The following NEMP2 variants were observed in gnomAD, a reference collection of about 807,000 sequenced individuals.
NEMP2 encodes the protein UPF0571 transmembrane protein.
A neutral mutation model predicts 54.2 loss-of-function variants in NEMP2; 53 were observed. The observed-to-expected ratio is 0.98, with a 90% confidence interval of 0.78 to 1.23. NEMP2 has a LOEUF of 1.23. NEMP2 is among the 50% of genes most tolerant of loss of function. The pLI is 0.00. For missense variants in NEMP2, 455 were observed against 511.3 expected (o/e 0.89, Z 1.06); for synonymous variants, 197 against 190.3 (o/e 1.04, Z -0.29).
the NEMP2 span, among the ~76,000 whole-genome samples, chr2:190,585,293 T>C: frequency 4.6e-5 from 7 of 152,236 alleles, no homozygotes; most frequent in Non-Finnish European, 1.0e-4. The surrounding 1 kb of genome is among the most constrained non-coding windows in gnomAD (Gnocchi z 5.3). Context: ...TATAAAGTAA[T>C]GCCATCTTTT....
At chr2:190,624,721 C>T in the NEMP2 span, 1 of 152,236 alleles carries the variant, frequency 6.6e-6, no homozygotes, top group African/African-American at 2.4e-5. Context: ...AGACAAATAC[C>T]ACATGCTGTC....
chr2:190,595,210 A>G, the NEMP2 span, among the ~76,000 whole-genome samples: 20 of 152,168 alleles, frequency 1.3e-4, no homozygotes, highest in East Asian at 2.7e-3. This position sits in a 1 kb window ranked among gnomAD's most constrained non-coding sequence, Gnocchi z 4.0. Context: ...TATGCAGAAA[A>G]CTGAAAATGG....
At chr2:190,436,774 C>A in the NEMP2 span, 1 of 1,614,172 alleles carries the variant, frequency 6.2e-7, no homozygotes, top group Non-Finnish European at 8.5e-7. This position sits in a 1 kb window ranked among gnomAD's most constrained non-coding sequence, Gnocchi z 5.3. Context: ...CACAGCAACC[C>A]CTGTCTCCCC....
chr2:190,599,215 A>C, the NEMP2 span, among the ~76,000 whole-genome samples: 1 of 152,212 alleles, frequency 6.6e-6, no homozygotes, highest in African/African-American at 2.4e-5. Context: ...TAGAAGAGAG[A>C]AGCTATAAAA....
chr2:190,517,892 T>C lies in NEMP2; in HGVS notation c.519-279A>G, dbSNP rs564437057. 5.3e-5 allele frequency among the ~76,000 whole-genome samples: 8 copies of C among 152,330 alleles called. No individual in the cohort carries two copies. In the East Asian group the frequency reaches 1.5e-3, roughly 29 times the overall value. On this transcript the variant is annotated intron_variant, in intron 4 of 8. Transcript: ENST00000409150. ...GAACACCTATCATGTAGCAGGCACT[T>C]TTCTAGGTTTTAGAAAGGAGAAAAT... is the stretch of plus-strand genomic sequence containing the variant.
the NEMP2 span, among the ~76,000 whole-genome samples, chr2:190,459,766 C>G: frequency 6.6e-6 from 1 of 152,238 alleles, no homozygotes; most frequent in Non-Finnish European, 1.5e-5. The surrounding 1 kb of genome is among the most constrained non-coding windows in gnomAD (Gnocchi z 5.3). Context: ...AGGGAAGAAT[C>G]TGAACACAAC....
In NEMP2 at chr2:190,514,467, G is replaced by A. The variant is rs915724385; in HGVS notation, c.939C>T (p.Cys313=). ...SWSLHYPLRA[C]SYMRWKMEQW... ...ATGATACATACCACCTCATATAACT[G>A]CATGCTCTCAGTGGGTAGTGCAGAC... Residue 313 remains cysteine, a synonymous_variant, in exon 7 of 9, where the codon TGC becomes TGT. Transcript: ENST00000409150. The surrounding 1 kb of genome is among the most constrained non-coding windows in gnomAD (Gnocchi z 5.7). 3.2e-6 allele frequency: 5 copies of A among 1,551,040 alleles called. No individual in the cohort carries two copies. In the African/African-American group the frequency reaches 5.5e-5, roughly 17 times the overall value.
At chr2:190,500,080 CTCTGACCCA>C, downstream of NEMP2, 1 of 1,614,254 alleles carries the variant, frequency 6.2e-7, no homozygotes, top group Non-Finnish European at 8.5e-7. The surrounding 1 kb of genome is among the most constrained non-coding windows in gnomAD (Gnocchi z 5.3). Flanking sequence ...GTGAGACTCA[CTCTGACCCA>C]TCTAGAAACC....
chr2:190,479,407 G>A, the NEMP2 span, among the ~76,000 whole-genome samples: 39 of 152,266 alleles, frequency 2.6e-4, no homozygotes, highest in African/African-American at 8.2e-4. Context: ...GGGAGTCTAC[G>A]TGCCTAAAAG....
chr2:190,438,042 G>A, the NEMP2 span, among the ~76,000 whole-genome samples: 1 of 152,078 alleles, frequency 6.6e-6, no homozygotes, highest in South Asian at 2.1e-4. The surrounding 1 kb of genome is among the most constrained non-coding windows in gnomAD (Gnocchi z 5.2). Flanking sequence ...TATCTAATAA[G>A]ACTGTGATGT....
the NEMP2 span, among the ~76,000 whole-genome samples, chr2:190,595,059 A>G: frequency 6.6e-6 from 1 of 151,492 alleles, no homozygotes; most frequent in African/African-American, 2.4e-5. The surrounding 1 kb of genome is among the most constrained non-coding windows in gnomAD (Gnocchi z 4.0). Flanking sequence ...CTCGCCAAGA[A>G]ATAATGCTTA....
At chr2:190,639,437 G>A in the NEMP2 span, among the ~76,000 whole-genome samples, 1 of 101,616 alleles carries the variant, frequency 9.8e-6, no homozygotes, top group Admixed American at 9.0e-5. Context: ...TGGGACAGAT[G>A]ACATTAAGTG....
chr2:190,584,562 T>G, the NEMP2 span, among the ~76,000 whole-genome samples: 3 of 152,130 alleles, frequency 2.0e-5, no homozygotes, highest in East Asian at 3.9e-4. This position sits in a 1 kb window ranked among gnomAD's most constrained non-coding sequence, Gnocchi z 4.2. Flanking sequence ...GAAAGACTTT[T>G]ACACAATTTG....
At chr2:190,598,686 A>G in the NEMP2 span, among the ~76,000 whole-genome samples, 1 of 152,244 alleles carries the variant, frequency 6.6e-6, no homozygotes, top group South Asian at 2.1e-4. Flanking sequence ...TCTACTAGCT[A>G]GCAAAGCAAC....
chr2:190,492,991 G>C, the NEMP2 span, among the ~76,000 whole-genome samples: 1 of 151,640 alleles, frequency 6.6e-6, no homozygotes, highest in African/African-American at 2.4e-5. The surrounding 1 kb of genome is among the most constrained non-coding windows in gnomAD (Gnocchi z 5.2). Context: ...AGGTATATAG[G>C]CAACAAATAA....
the NEMP2 span, chr2:190,488,541 T>C: frequency 7.1e-6 from 7 of 991,228 alleles, no homozygotes; most frequent in African/African-American, 6.7e-5. The surrounding 1 kb of genome is among the most constrained non-coding windows in gnomAD (Gnocchi z 6.4). Context: ...TTTTAATGTA[T>C]GTTTTCCCAC....
chr2:190,562,986 T>A, the NEMP2 span, among the ~76,000 whole-genome samples: 1 of 133,928 alleles, frequency 7.5e-6, no homozygotes, highest in African/African-American at 2.8e-5. This position sits in a 1 kb window ranked among gnomAD's most constrained non-coding sequence, Gnocchi z 5.0. Flanking sequence ...TCTCCTCCAG[T>A]GATCAGGCTA....
Position 190,506,516 on chromosome 2 carries a change from A to G in NEMP2, c.*2673T>C, listed in dbSNP as rs906999932. ...TCTATTCCAAACCCTCTTAAAATCTAAATATATGAAATTTCCAGATTTTTT... is the reference window on the plus strand; with the variant it reads ...TCTATTCCAAACCCTCTTAAAATCTGAATATATGAAATTTCCAGATTTTTT... On this transcript the variant is annotated 3_prime_UTR_variant, in exon 9 of 9. Transcript: ENST00000409150. The surrounding 1 kb of genome is among the most constrained non-coding windows in gnomAD (Gnocchi z 6.3). 1 of 152,216 alleles carries G rather than the reference A, an allele frequency of 6.6e-6. No homozygotes were observed. The highest frequency in any genetic ancestry group is 1.5e-5 in the Non-Finnish European group (1 of 68,036). The allele number at this position is 152,216 out of a possible 1,614,324, so 9.4% of individuals were successfully genotyped here.
chr2:190,442,061 T>C, the NEMP2 span, among the ~76,000 whole-genome samples: 3 of 152,194 alleles, frequency 2.0e-5, no homozygotes, highest in Non-Finnish European at 4.4e-5. Flanking sequence ...AGCAAAAAGA[T>C]GGTAGACCTT....
Sources: allele counts gnomAD v4.1 joint callset (sites outside exome capture counted in the v4.1 genomes callset), GRCh38; gene constraint gnomAD v4.1.1; non-coding constraint Gnocchi (gnomAD v3.1); transcripts MANE v1.5; gene names NCBI Gene and HGNC (gene_info 2026-07-23, HGNC 2026-07-21).